TMTC1: variants seen among roughly 807,000 people sequenced by gnomAD.
TMTC1 encodes the protein protein O-mannosyl-transferase TMTC1.
A neutral mutation model predicts 104.8 loss-of-function variants in TMTC1; 73 were observed. The observed-to-expected ratio is 0.70, with a 90% confidence interval of 0.58 to 0.85. The LOEUF (loss-of-function observed/expected upper bound fraction) is 0.85, where lower values mean the gene tolerates loss of function less well. Among genes scored for constraint, TMTC1 ranks in the 40% least tolerant of loss-of-function variants. The pLI is 0.00. For synonymous variants in TMTC1, 434 were observed against 428.7 expected (o/e 1.01, Z -0.15); for missense variants, 1,035 against 1,096.1 (o/e 0.94, Z 0.79).
chr12:29,689,518 T>C (rs888964837), intron 5 of TMTC1, among the ~76,000 whole-genome samples: 1 of 152,208 alleles, frequency 6.6e-6, no homozygotes, highest in African/African-American at 2.4e-5. Context: ...TTTCACCATG[T>C]TGGCCAGGCT....
At chr12:29,665,782 A>G (rs546458960) in intron 5 of TMTC1, among the ~76,000 whole-genome samples, 1 of 152,290 alleles carries the variant, frequency 6.6e-6, no homozygotes, top group African/African-American at 2.4e-5. Flanking sequence ...ATCAGAGCTG[A>G]TCACTGTCAA....
Position 29,642,860 on chromosome 12 carries a change from G to A in TMTC1, c.939-9524C>T, listed in dbSNP as rs1235767553. On this transcript the variant is annotated intron_variant, in intron 5 of 17. Coordinates refer to ENST00000539277, the MANE Select transcript of TMTC1 (RefSeq NM_001193451.2). ...GAATGGCGTGAACCCAGGAGGCGGAGCTTACAGTGAGCCGAGATCGCGCCA... is the reference window on the plus strand; with the variant it reads ...GAATGGCGTGAACCCAGGAGGCGGAACTTACAGTGAGCCGAGATCGCGCCA... Among the ~76,000 whole-genome samples the A allele has an allele frequency of 4.0e-5, 6 of 151,806 alleles. No homozygotes were observed. In the East Asian group the frequency reaches 9.6e-4, roughly 24 times the overall value.
chr12:29,728,295 C>T (rs756289713), intron 5 of TMTC1, among the ~76,000 whole-genome samples: 4 of 151,968 alleles, frequency 2.6e-5, no homozygotes, highest in African/African-American at 4.8e-5. Flanking sequence ...TCCAGAGGCT[C>T]AGGAGCTGTG....
intron 5 of TMTC1, among the ~76,000 whole-genome samples, chr12:29,691,325 C>T (rs879684857): frequency 1.6e-4 from 25 of 152,224 alleles, no homozygotes; most frequent in Admixed American, 1.4e-3. Context: ...AAATTCACTT[C>T]GACTTCCTGT....
At chr12:29,733,815 T>C (rs910473771) in intron 5 of TMTC1, among the ~76,000 whole-genome samples, 5 of 152,224 alleles carry the variant, frequency 3.3e-5, no homozygotes, top group African/African-American at 1.2e-4. Context: ...CAACACATCA[T>C]GCTCTTTTCT....
chr12:29,596,724 C>T (rs1185960540), intron 7 of TMTC1, among the ~76,000 whole-genome samples: 1 of 152,190 alleles, frequency 6.6e-6, no homozygotes, highest in African/African-American at 2.4e-5. Context: ...GTTGCTTTTC[C>T]TGCCCCTCTA....
intron 3 of TMTC1, among the ~76,000 whole-genome samples, chr12:29,757,832 T>A (rs188374541): frequency 1.3e-5 from 2 of 152,142 alleles, no homozygotes; most frequent in African/African-American, 2.4e-5. Context: ...GTGCAGGGAA[T>A]CTCCCATTTT....
At chr12:29,630,124 TA>T (rs1938220238) in intron 6 of TMTC1, among the ~76,000 whole-genome samples, 1 of 152,236 alleles carries the variant, frequency 6.6e-6, no homozygotes, top group Admixed American at 6.5e-5. Context: ...TCTGTCATTA[TA>T]ATTATGCCTT....
At position 29,783,856 on chromosome 12, in the gene TMTC1, C is replaced by A; in HGVS notation, c.-105G>T. 9.8e-7 allele frequency: 1 copy of A among 1,025,262 alleles called. No homozygotes were observed. Among genetic ancestry groups the A allele is most frequent in the Non-Finnish European group, 1.2e-6 (1 of 848,914 alleles). The allele number at this position is 1,025,262 out of a possible 1,614,324, so 63.5% of individuals were successfully genotyped here. The stretch of plus-strand genomic sequence containing the variant: ...GCGTCTGCCCGGAGGGGGGCTCGGG[C>A]ATGGTGCTGCGGCAGCTGGACCCGC... On this transcript the variant is annotated 5_prime_UTR_variant, in exon 1 of 18. The change abolishes an upstream ATG in the 5' untranslated region. Coordinates refer to ENST00000539277, the MANE Select transcript of TMTC1 (RefSeq NM_001193451.2). The surrounding 1 kb of genome is among the most constrained non-coding windows in gnomAD (Gnocchi z 4.7).
intron 5 of TMTC1, among the ~76,000 whole-genome samples, chr12:29,725,700 A>G (rs1049577733): frequency 6.6e-6 from 1 of 152,236 alleles, no homozygotes; most frequent in African/African-American, 2.4e-5. Context: ...TGCTCCAGTA[A>G]TGAAGTTTTT....
In TMTC1 at chr12:29,753,750, A is replaced by G. The variant is rs549303719; in HGVS notation, c.732-1878T>C. 2.0e-5 allele frequency among the ~76,000 whole-genome samples: 3 copies of G among 152,352 alleles called. No homozygotes were observed. In the South Asian group the frequency reaches 6.2e-4, roughly 32 times the overall value. On this transcript the variant is annotated intron_variant, in intron 4 of 17. Coordinates refer to ENST00000539277, the MANE Select transcript of TMTC1 (RefSeq NM_001193451.2). ...GATGCTCTTTGCGGGAAGGAACCAT[A>G]TTTGTCTTGCTCTTGGCTAGGCAGA...
intron 5 of TMTC1, among the ~76,000 whole-genome samples, chr12:29,732,888 C>T (rs147264587): frequency 3.0e-4 from 46 of 152,262 alleles, no homozygotes; most frequent in Middle Eastern, 3.4e-3. Flanking sequence ...CAGATTGGAA[C>T]TGGTCTCTTA....
In TMTC1 at chr12:29,783,115, G is replaced by A. The variant is rs910217230; in HGVS notation, c.302+335C>T. On this transcript the variant is annotated intron_variant, in intron 1 of 17. Coordinates refer to ENST00000539277, the MANE Select transcript of TMTC1 (RefSeq NM_001193451.2). This position sits in a 1 kb window ranked among gnomAD's most constrained non-coding sequence, Gnocchi z 4.7. ...CTCTGGGTCCGCGCTAGTCCCACTTGGTCACGATCCGGCAGGCGAAGGGGT... is the reference window on the plus strand; with the variant it reads ...CTCTGGGTCCGCGCTAGTCCCACTTAGTCACGATCCGGCAGGCGAAGGGGT... The A allele has an allele frequency of 3.6e-6, 1 of 280,198 alleles. No individual in the cohort carries two copies. The highest frequency in any genetic ancestry group is 6.6e-6 in the Non-Finnish European group (1 of 150,488). 17.4% of individuals were successfully genotyped at this position (280,198 alleles called of 1,614,324 possible).
rs779846568 is a variant in TMTC1, at chr12:29,514,496, C to T, written c.2416G>A (p.Asp806Asn). 8.7e-6 allele frequency: 14 copies of T among 1,612,242 alleles called. No individual in the cohort carries two copies. The highest frequency in any genetic ancestry group is 3.3e-5 in the South Asian group (3 of 90,806). ...TGAGTTTATACCTCAAAAGCTTTGT[C>T]GAGAAGGTTCTGCTCTCTTAATTGG... Reference protein sequence around the residue: ...GNQLREQNLLDKAFESYRVAV... With the variant: ...GNQLREQNLLNKAFESYRVAV... Residue 806 changes from aspartate to asparagine, a missense_variant, in exon 16 of 18, where the codon GAC becomes AAC. Coordinates refer to ENST00000539277, the MANE Select transcript of TMTC1 (RefSeq NM_001193451.2).
chr12:29,684,802 A>G (rs1350605226), intron 5 of TMTC1, among the ~76,000 whole-genome samples: 1 of 152,188 alleles, frequency 6.6e-6, no homozygotes, highest in Non-Finnish European at 1.5e-5. Flanking sequence ...GGCCACACAC[A>G]CACACAGTTG....
At chr12:29,699,087 A>T (rs1300055903) in intron 5 of TMTC1, among the ~76,000 whole-genome samples, 2 of 152,226 alleles carry the variant, frequency 1.3e-5, no homozygotes, top group African/African-American at 2.4e-5. Flanking sequence ...CAAGATGTTC[A>T]ACTTAGTAAT....
intron 5 of TMTC1, among the ~76,000 whole-genome samples, chr12:29,655,676 G>C (rs1193497487): frequency 6.6e-6 from 1 of 152,166 alleles, no homozygotes; most frequent in Non-Finnish European, 1.5e-5. Flanking sequence ...CTCAGTGTAA[G>C]CAGAAAATGA....
At chr12:29,566,201 G>T (rs748237001) in intron 9 of TMTC1, among the ~76,000 whole-genome samples, 3 of 152,140 alleles carry the variant, frequency 2.0e-5, no homozygotes, top group Non-Finnish European at 2.9e-5. Context: ...ATTGAGGTAA[G>T]GGGGGAAGGG....
At chr12:29,752,542 C>G (rs1018607445) in intron 4 of TMTC1, among the ~76,000 whole-genome samples, 10 of 151,978 alleles carry the variant, frequency 6.6e-5, no homozygotes, top group African/African-American at 2.4e-4. Context: ...CGTATTTGCA[C>G]AAGAATATAT....
Sources: allele counts gnomAD v4.1 joint callset (sites outside exome capture counted in the v4.1 genomes callset), GRCh38; gene constraint gnomAD v4.1.1; non-coding constraint Gnocchi (gnomAD v3.1); transcripts MANE v1.5; gene names NCBI Gene and HGNC (gene_info 2026-07-23, HGNC 2026-07-21).